Variants in TCAF1 observed in about 807,000 individuals in gnomAD.
The protein encoded by TCAF1 is TRPM8 channel-associated factor 1.
In TCAF1, 4 loss-of-function variants were observed where a neutral mutation model predicts 27.3. That is an observed-to-expected ratio of 0.15 (90% confidence interval 0.07 to 0.34). The LOEUF (loss-of-function observed/expected upper bound fraction) is 0.34, where lower values mean the gene tolerates loss of function less well. Ranked by LOEUF, TCAF1 falls within the 10% of genes least tolerant of loss-of-function variation. The pLI, the probability that TCAF1 is intolerant of heterozygous loss-of-function variation, is 1.00. For synonymous variants in TCAF1, 105 were observed against 167.1 expected (o/e 0.63, Z 2.87); for missense variants, 257 against 425.8 (o/e 0.60, Z 3.49).
At chr7:143,889,040 G>A (rs1023164680) in intron 1 of TCAF1, among the ~76,000 whole-genome samples, 1 of 152,050 alleles carries the variant, frequency 6.6e-6, no homozygotes, top group African/African-American at 2.4e-5. Context: ...ATTTATTGAA[G>A]AGACTAAATA....
At chr7:143,892,496 GA>G (rs1467257512) in intron 1 of TCAF1, among the ~76,000 whole-genome samples, 4 of 147,408 alleles carry the variant, frequency 2.7e-5, no homozygotes, top group African/African-American at 7.4e-5. Context: ...GGAACAAAGA[GA>G]AAACTGTGCA....
intron 1 of TCAF1, among the ~76,000 whole-genome samples, chr7:143,897,220 C>T (rs978476757): frequency 1.1e-4 from 15 of 139,370 alleles, no homozygotes; most frequent in East Asian, 2.2e-4. Context: ...AGGTTTGAAC[C>T]GCGTTGGTCT....
At chr7:143,878,368 C>T (rs1211463849) in intron 1 of TCAF1, among the ~76,000 whole-genome samples, 1 of 152,082 alleles carries the variant, frequency 6.6e-6, no homozygotes, top group East Asian at 1.9e-4. Flanking sequence ...CTAACACTAA[C>T]ACTAATGCTA....
At chr7:143,892,002 T>A (rs1167836478) in intron 1 of TCAF1, among the ~76,000 whole-genome samples, 1 of 152,088 alleles carries the variant, frequency 6.6e-6, no homozygotes, top group African/African-American at 2.4e-5. Context: ...AACCTAAAAT[T>A]CTATACACAA....
intron 1 of TCAF1, among the ~76,000 whole-genome samples, chr7:143,901,116 G>A (rs560038880): frequency 6.6e-6 from 1 of 152,076 alleles, no homozygotes; most frequent in Admixed American, 6.5e-5. Flanking sequence ...CCAAGGAGAT[G>A]GTCAGGCATT....
intron 1 of TCAF1, among the ~76,000 whole-genome samples, chr7:143,900,682 C>G (rs993724290): frequency 3.3e-5 from 5 of 152,030 alleles, no homozygotes; most frequent in Non-Finnish European, 7.4e-5. Context: ...TTTGTTTGTT[C>G]GCTTTGGTTT....
At chr7:143,859,930 T>G (rs185143273) in intron 6 of TCAF1, among the ~76,000 whole-genome samples, 2,159 of 57,254 alleles carry the variant, frequency 0.038, 297 homozygotes, top group Middle Eastern at 0.055. Flanking sequence ...ATATATTATA[T>G]AATATATATT....
intron 1 of TCAF1, among the ~76,000 whole-genome samples, chr7:143,897,252 A>AC (rs1374230674): frequency 2.0e-5 from 3 of 147,114 alleles, no homozygotes; most frequent in Admixed American, 7.0e-5. Flanking sequence ...TGTCTCTGCC[A>AC]CCCCCAAAGA....
At chr7:143,887,965 A>G (rs959662466) in intron 1 of TCAF1, among the ~76,000 whole-genome samples, 2 of 152,198 alleles carry the variant, frequency 1.3e-5, no homozygotes, top group Non-Finnish European at 2.9e-5. Flanking sequence ...GAGGAACACA[A>G]AGGCGACTTC....
chr7:143,891,282 A>G (rs1025791121), intron 1 of TCAF1, among the ~76,000 whole-genome samples: 3 of 152,214 alleles, frequency 2.0e-5, no homozygotes, highest in African/African-American at 7.2e-5. Context: ...AAAACAGAAT[A>G]AGTTGCCAAT....
intron 1 of TCAF1, among the ~76,000 whole-genome samples, chr7:143,898,248 G>C (rs1207965723): frequency 6.6e-6 from 1 of 152,064 alleles, no homozygotes; most frequent in Non-Finnish European, 1.5e-5. Flanking sequence ...TCATTTTTAA[G>C]TTGACATAAT....
intron 1 of TCAF1, among the ~76,000 whole-genome samples, chr7:143,898,511 T>C (rs576491130): frequency 3.3e-5 from 5 of 152,256 alleles, no homozygotes; most frequent in African/African-American, 1.2e-4. Context: ...ATAATTAATA[T>C]ATAAAAGGCA....
At chr7:143,892,320 GTAA>G (rs1813673380) in intron 1 of TCAF1, among the ~76,000 whole-genome samples, 1 of 151,970 alleles carries the variant, frequency 6.6e-6, no homozygotes, top group Admixed American at 6.6e-5. Flanking sequence ...ATACATAGAA[GTAA>G]TAATTTAAGG....
intron 6 of TCAF1, among the ~76,000 whole-genome samples, chr7:143,859,884 T>C (rs76252833): frequency 0.14 from 10,646 of 78,484 alleles, 2,592 homozygotes; most frequent in South Asian, 0.19. Context: ...TATATACATA[T>C]ATATAATATA....
intron 1 of TCAF1, among the ~76,000 whole-genome samples, chr7:143,892,152 T>C (rs748330370): frequency 6.6e-6 from 1 of 152,142 alleles, no homozygotes; most frequent in Non-Finnish European, 1.5e-5. Flanking sequence ...TAGGAATTAA[T>C]AGAGAACACT....
intron 1 of TCAF1, among the ~76,000 whole-genome samples, chr7:143,884,187 A>G (rs1371239797): frequency 2.0e-5 from 3 of 152,106 alleles, no homozygotes; most frequent in Admixed American, 2.0e-4. Flanking sequence ...CTAAAATTCA[A>G]TATTTCATAT....
At chr7:143,885,138 G>A in intron 1 of TCAF1, 1 of 985,518 alleles carries the variant, frequency 1.0e-6, no homozygotes, top group Non-Finnish European at 1.2e-6. Context: ...ACTGCATCGG[G>A]AGCCGCCCCT....
chr7:143,884,503 CA>C (rs2116826594), intron 1 of TCAF1, among the ~76,000 whole-genome samples: 1 of 152,338 alleles, frequency 6.6e-6, no homozygotes, highest in East Asian at 1.9e-4. Flanking sequence ...TAGTGACTGG[CA>C]CTCACTAAGT....
intron 1 of TCAF1, among the ~76,000 whole-genome samples, chr7:143,877,806 G>A (rs1053315329): frequency 5.3e-5 from 8 of 152,166 alleles, no homozygotes; most frequent in African/African-American, 1.4e-4. Flanking sequence ...AGTGCGGCCC[G>A]AGGTAACCTC....
Sources: gnomAD v4.1 joint callset for allele counts (sites outside exome capture counted in the v4.1 genomes callset) on GRCh38, gnomAD v4.1.1 for gene constraint, MANE v1.5 for transcripts, NCBI Gene and HGNC (gene_info 2026-07-23, HGNC 2026-07-21) for gene names.